The following TRAF3 variants were observed in gnomAD, a reference collection of about 807,000 sequenced individuals.
The protein encoded by TRAF3 is TNF receptor-associated factor 3.
Under a neutral mutation model 62.3 loss-of-function variants are expected in TRAF3, and 13 were observed. That is an observed-to-expected ratio of 0.21 (90% CI 0.14 to 0.33). The LOEUF (loss-of-function observed/expected upper bound fraction) is 0.33, where lower values mean the gene tolerates loss of function less well. Among genes scored for constraint, TRAF3 ranks in the 10% least tolerant of loss-of-function variants. The pLI is 1.00. For synonymous variants in TRAF3, 269 were observed against 283.4 expected (o/e 0.95, Z 0.51); for missense variants, 440 against 741.8 (o/e 0.59, Z 4.73).
At chr14:102,794,890 T>G (rs944757334) in intron 1 of TRAF3, among the ~76,000 whole-genome samples, 1 of 152,228 alleles carries the variant, frequency 6.6e-6, no homozygotes, top group African/African-American at 2.4e-5. Context: ...TTTGTCAAGT[T>G]TTTCAAGTAC....
rs146122482 is a variant in TRAF3 at position 102,881,573 on chromosome 14, C to T, written c.571-4616C>T. On this transcript the variant is annotated intron_variant, in intron 6 of 11. Transcript: ENST00000392745. ...TAGACACATTTAGGGGATCAACACACGCAGGGGCCTGTGGGGTTAGGAGAG... is the reference window on the plus strand; with the variant it reads ...TAGACACATTTAGGGGATCAACACATGCAGGGGCCTGTGGGGTTAGGAGAG... Among the ~76,000 whole-genome samples, 174 of 152,092 alleles carry T rather than the reference C, an allele frequency of 1.1e-3. 2 individuals carry two copies. Among genetic ancestry groups the T allele is most frequent in the Middle Eastern group, 6.8e-3 (2 of 292 alleles).
At chr14:102,781,150 A>G (rs1897259413) in intron 1 of TRAF3, among the ~76,000 whole-genome samples, 1 of 149,362 alleles carries the variant, frequency 6.7e-6, no homozygotes, top group African/African-American at 2.4e-5. Context: ...GCTCTGGTAT[A>G]GTGGGGCCAT....
At chr14:102,838,106 C>T (rs780354163) in intron 2 of TRAF3, among the ~76,000 whole-genome samples, 17 of 152,200 alleles carry the variant, frequency 1.1e-4, no homozygotes, top group Non-Finnish European at 1.9e-4. Flanking sequence ...CGCTTAGTAA[C>T]GTATCGTGTT....
At chr14:102,835,369 C>G (rs1177174388) in intron 2 of TRAF3, among the ~76,000 whole-genome samples, 1 of 151,962 alleles carries the variant, frequency 6.6e-6, no homozygotes, top group Non-Finnish European at 1.5e-5. Flanking sequence ...AATAGAACTA[C>G]CATTTGACCC....
At chr14:102,804,317 A>G (rs1408960801) in intron 1 of TRAF3, among the ~76,000 whole-genome samples, 1 of 152,198 alleles carries the variant, frequency 6.6e-6, no homozygotes, top group Admixed American at 6.5e-5. Context: ...CCCTTGCTCC[A>G]TGACTGACCT....
At position 102,829,125 on chromosome 14, in the gene TRAF3, A is replaced by G. The variant is rs140951922; in HGVS notation, c.-156-1209A>G. ...GAGTCAGAGCGGAGATTTATTTTGC[A>G]ATGAATTAGTGGCCCCAAACGGTAT... On this transcript the variant is annotated intron_variant, in intron 1 of 11. Coordinates refer to ENST00000392745, the MANE Select transcript of TRAF3 (RefSeq NM_145725.3). Among the ~76,000 whole-genome samples, 870 of 152,276 alleles carry G rather than the reference A, an allele frequency of 5.7e-3. 9 individuals carry two copies. The highest frequency in any genetic ancestry group is 9.9e-3 in the Admixed American group (151 of 15,300).
chr14:102,863,441 T>C (rs1454053997), intron 2 of TRAF3, among the ~76,000 whole-genome samples: 1 of 152,180 alleles, frequency 6.6e-6, no homozygotes, highest in Non-Finnish European at 1.5e-5. Flanking sequence ...TCCCAGTCTT[T>C]TGAGATGAGG....
intron 1 of TRAF3, among the ~76,000 whole-genome samples, chr14:102,806,110 A>G (rs116925558): frequency 1.4e-3 from 219 of 152,148 alleles, no homozygotes; most frequent in Non-Finnish European, 1.2e-3. Context: ...TGGCATTGGT[A>G]AGTAGAACGA....
At position 102,909,494 on chromosome 14, in the gene TRAF3, C is replaced by T. The variant is rs1461550287; in HGVS notation, c.*3710C>T. 6.5e-6 allele frequency: 1 copy of T among 152,776 alleles called. No individual in the cohort carries two copies. Among genetic ancestry groups the T allele is most frequent in the African/African-American group, 2.4e-5 (1 of 41,480 alleles). 9.5% of individuals were successfully genotyped at this position (152,776 alleles called of 1,614,324 possible). ...CCTTTGCTCAGGCAGCTTCTCCTGC[C>T]TCTCCCTCCTTTCTCCTTCCCTGCC... On this transcript the variant is annotated 3_prime_UTR_variant, in exon 12 of 12. Coordinates refer to ENST00000392745, the MANE Select transcript of TRAF3 (RefSeq NM_145725.3).
chr14:102,884,203 G>T (rs894645036), intron 6 of TRAF3, among the ~76,000 whole-genome samples: 1 of 152,168 alleles, frequency 6.6e-6, no homozygotes, highest in Admixed American at 6.6e-5. Context: ...GCCTTCCTTG[G>T]CTCATGGCTG....
intron 1 of TRAF3, among the ~76,000 whole-genome samples, chr14:102,784,565 T>C (rs1469004995): frequency 2.0e-5 from 3 of 152,192 alleles, no homozygotes; most frequent in Admixed American, 6.6e-5. Context: ...TTGAGAATTA[T>C]TGAATCACCC....
intron 2 of TRAF3, among the ~76,000 whole-genome samples, chr14:102,869,047 C>G (rs1888171726): frequency 1.3e-5 from 2 of 152,234 alleles, no homozygotes; most frequent in African/African-American, 4.8e-5. Flanking sequence ...TCTGCCAGCC[C>G]AGCCCTTGGG....
At position 102,905,263 on chromosome 14, in the gene TRAF3, G is replaced by A. The variant is rs2140010463; in HGVS notation, c.1186G>A (p.Asp396Asn). 3.1e-6 allele frequency: 5 copies of A among 1,614,190 alleles called. No homozygotes were observed. Among genetic ancestry groups the A allele is most frequent in the Non-Finnish European group, 4.2e-6 (5 of 1,180,054 alleles). Reference sequence around the variant, plus strand: ...GCATGACCAGATGCTGAGTGTGCACGACATCCGCCTAGCCGACATGGACCT... The same window carrying A: ...GCATGACCAGATGCTGAGTGTGCACAACATCCGCCTAGCCGACATGGACCT... ...SRHDQMLSVH[D>N]IRLADMDLRF... The change falls in exon 12 of 12, where the codon GAC (aspartate) becomes AAC (asparagine). Residue 396 changes from aspartate (D) to asparagine (N), a missense_variant. Transcript: ENST00000392745.
In TRAF3 at chr14:102,871,910, C is replaced by G. The variant is rs1346714660; in HGVS notation, c.246-7C>G. ...ACTCTAATGCAGTCACTTGTGTTTC[C>G]CTGCAGCTCTTCAAGTCCAAAATGT... On this transcript the variant is annotated splice_region_variant and splice_polypyrimidine_tract_variant and intron_variant, in intron 3 of 11. Coordinates refer to ENST00000392745, the MANE Select transcript of TRAF3 (RefSeq NM_145725.3). The G allele has an allele frequency of 1.9e-6, 3 of 1,613,888 alleles. No individual in the cohort carries two copies. In the African/African-American group the frequency reaches 4.0e-5, roughly 22 times the overall value.
intron 1 of TRAF3, among the ~76,000 whole-genome samples, chr14:102,802,434 G>A (rs1223752041): frequency 2.0e-5 from 3 of 151,134 alleles, no homozygotes; most frequent in Non-Finnish European, 4.4e-5. Flanking sequence ...GATTACAGGC[G>A]TGAGCCACCA....
chr14:102,822,812 G>A lies in TRAF3; in HGVS notation c.-156-7522G>A, dbSNP rs1280762399. On this transcript the variant is annotated intron_variant, in intron 1 of 11. Transcript: ENST00000392745. The stretch of plus-strand genomic sequence containing the variant: ...CCTGAGGTCAGGAGTTCGAGACCCA[G>A]CCTGACCAACATGGAGAAACCCTGT... 5.3e-5 allele frequency among the ~76,000 whole-genome samples: 8 copies of A among 152,246 alleles called. No individual in the cohort carries two copies. The East Asian group carries it at 1.5e-3, about 29-fold the overall frequency.
At chr14:102,782,548 A>G (rs1295264019) in intron 1 of TRAF3, among the ~76,000 whole-genome samples, 1 of 152,144 alleles carries the variant, frequency 6.6e-6, no homozygotes, top group Non-Finnish European at 1.5e-5. Flanking sequence ...TCTAAAATTT[A>G]AAAAAAGTCC....
chr14:102,900,151 C>A (rs1487351297), intron 10 of TRAF3, among the ~76,000 whole-genome samples: 1 of 114,254 alleles, frequency 8.8e-6, no homozygotes, highest in Non-Finnish European at 1.6e-5. Context: ...TGCAGTCAGG[C>A]GTGGGAGAAA....
At position 102,852,194 on chromosome 14, in the gene TRAF3, C is replaced by T. The variant is rs1887084983; in HGVS notation, c.-17-17991C>T. 2.0e-5 allele frequency among the ~76,000 whole-genome samples: 3 copies of T among 152,202 alleles called. No individual in the cohort carries two copies. The South Asian group carries it at 6.2e-4, about 32-fold the overall frequency. On this transcript the variant is annotated intron_variant, in intron 2 of 11. Transcript: ENST00000392745. ...TCTTGCTCAGGCTAGACTCAACCTCCTGGGCTCAAGTGATCCTCCTGCCTC... is the reference window on the plus strand; with the variant it reads ...TCTTGCTCAGGCTAGACTCAACCTCTTGGGCTCAAGTGATCCTCCTGCCTC...
Sources: allele counts gnomAD v4.1 joint callset (sites outside exome capture counted in the v4.1 genomes callset), GRCh38; gene constraint gnomAD v4.1.1; transcripts MANE v1.5; gene names NCBI Gene and HGNC (gene_info 2026-07-23, HGNC 2026-07-21).